The following ELMO1 variants were observed in gnomAD, a reference collection of about 807,000 sequenced individuals.
ELMO1 encodes engulfment and cell motility protein 1.
Under a neutral mutation model 98.9 loss-of-function variants are expected in ELMO1, and 26 were observed. The ratio of observed to expected loss-of-function variants is 0.26; its 90% confidence interval spans 0.19 to 0.36. The LOEUF (loss-of-function observed/expected upper bound fraction) is 0.36, where lower values mean the gene tolerates loss of function less well. Among genes scored for constraint, ELMO1 ranks in the 10% least tolerant of loss-of-function variants. ELMO1 has a pLI of 1.00. For synonymous variants in ELMO1, 346 were observed against 346.0 expected, an observed-to-expected ratio of 1.00 and a Z score of 0.00; for missense variants, 627 against 935.2, an observed-to-expected ratio of 0.67 and a Z score of 4.30.
chr7:37,371,098 T>C (rs2131356116), intron 1 of ELMO1, among the ~76,000 whole-genome samples: 1 of 152,322 alleles, frequency 6.6e-6, no homozygotes, highest in South Asian at 2.1e-4. Flanking sequence ...TACATCTACA[T>C]GGGTGAACTA....
At chr7:37,245,594 C>T (rs555134828) in intron 6 of ELMO1, among the ~76,000 whole-genome samples, 1 of 152,130 alleles carries the variant, frequency 6.6e-6, no homozygotes, top group Non-Finnish European at 1.5e-5. Context: ...TATTTCCCAT[C>T]CTTCCTTCAT....
chr7:37,133,507 T>C (rs754076271), intron 13 of ELMO1, among the ~76,000 whole-genome samples: 4 of 152,114 alleles, frequency 2.6e-5, no homozygotes, highest in Admixed American at 6.5e-5. Flanking sequence ...ACATGTGACA[T>C]TGTGAGAAAA....
intron 1 of ELMO1, among the ~76,000 whole-genome samples, chr7:37,407,238 G>A (rs544688585): frequency 1.3e-5 from 2 of 152,072 alleles, no homozygotes; most frequent in African/African-American, 4.8e-5. Context: ...GGTCTGGCGC[G>A]GTGGCTCACG....
At chr7:36,887,251 A>T (rs909838550) in intron 18 of ELMO1, among the ~76,000 whole-genome samples, 2 of 152,240 alleles carry the variant, frequency 1.3e-5, no homozygotes, top group African/African-American at 4.8e-5. Flanking sequence ...TCAGAAGACT[A>T]GAGTTTCAGA....
At chr7:37,297,555 G>A (rs1418745145) in intron 4 of ELMO1, among the ~76,000 whole-genome samples, 1 of 150,764 alleles carries the variant, frequency 6.6e-6, no homozygotes, top group East Asian at 2.0e-4. Context: ...TAATGAAATA[G>A]TTAAGGAACT....
chr7:37,150,640 GTAT>G (rs1788296993), intron 13 of ELMO1, among the ~76,000 whole-genome samples: 1 of 151,888 alleles, frequency 6.6e-6, no homozygotes, highest in Non-Finnish European at 1.5e-5. Context: ...TATTTTCTAT[GTAT>G]TATTATATAA....
chr7:37,215,060 C>T (rs1793203739), intron 11 of ELMO1, among the ~76,000 whole-genome samples: 1 of 152,208 alleles, frequency 6.6e-6, no homozygotes, highest in South Asian at 2.1e-4. Flanking sequence ...TTCTGCACTT[C>T]CAAAACCACA....
intron 13 of ELMO1, among the ~76,000 whole-genome samples, chr7:37,161,981 T>C (rs1278710923): frequency 3.2e-5 from 4 of 126,684 alleles, no homozygotes; most frequent in African/African-American, 8.6e-5. Context: ...TGAGGTGAGT[T>C]TGTAAATAGG....
intron 13 of ELMO1, among the ~76,000 whole-genome samples, chr7:37,195,890 A>G (rs1791935444): frequency 6.6e-6 from 1 of 152,218 alleles, no homozygotes; most frequent in African/African-American, 2.4e-5. Context: ...TTAGTATATG[A>G]CATCACAGAT....
chr7:37,352,614 G>A (rs755200895), intron 1 of ELMO1, among the ~76,000 whole-genome samples: 1 of 152,064 alleles, frequency 6.6e-6, no homozygotes, highest in African/African-American at 2.4e-5. Flanking sequence ...AGAAAGAATC[G>A]CTAAATAGTC....
At chr7:37,386,988 C>T (rs1235974646) in intron 1 of ELMO1, among the ~76,000 whole-genome samples, 1 of 152,148 alleles carries the variant, frequency 6.6e-6, no homozygotes, top group Non-Finnish European at 1.5e-5. Flanking sequence ...TTGTTTTGTT[C>T]CTGCTCCCCA....
At chr7:37,324,122 CCT>C (rs1799667972) in intron 2 of ELMO1, among the ~76,000 whole-genome samples, 3 of 152,196 alleles carry the variant, frequency 2.0e-5, no homozygotes, top group African/African-American at 7.2e-5. Flanking sequence ...CCCTGCCCCG[CCT>C]CTGATGAGCA....
At chr7:37,103,511 G>T (rs1784754953) in intron 14 of ELMO1, among the ~76,000 whole-genome samples, 1 of 121,634 alleles carries the variant, frequency 8.2e-6, no homozygotes, top group Non-Finnish European at 1.7e-5. Context: ...ACACACCCAG[G>T]CCTGTTGTGG....
intron 2 of ELMO1, among the ~76,000 whole-genome samples, chr7:37,322,857 C>A (rs543929015): frequency 8.7e-4 from 133 of 152,238 alleles, no homozygotes; most frequent in Non-Finnish European, 1.3e-3. Flanking sequence ...ATTATTTTAA[C>A]TGCTTCAGTA....
chr7:37,163,628 T>G (rs969822449), intron 13 of ELMO1, among the ~76,000 whole-genome samples: 3 of 152,100 alleles, frequency 2.0e-5, no homozygotes, highest in African/African-American at 7.2e-5. Context: ...TTACTGAGAA[T>G]GATGATTTCC....
intron 15 of ELMO1, among the ~76,000 whole-genome samples, chr7:37,028,227 G>A (rs893014160): frequency 3.3e-5 from 5 of 152,070 alleles, no homozygotes; most frequent in African/African-American, 1.2e-4. Context: ...CAGAATTCCC[G>A]GTATTTTGCT....
chr7:37,363,210 C>A (rs970140195), intron 1 of ELMO1, among the ~76,000 whole-genome samples: 1 of 152,148 alleles, frequency 6.6e-6, no homozygotes, highest in African/African-American at 2.4e-5. Context: ...TCTCCCTCCC[C>A]TCCATGTCCA....
At chr7:37,043,615 T>G (rs541747544) in intron 15 of ELMO1, among the ~76,000 whole-genome samples, 43 of 152,170 alleles carry the variant, frequency 2.8e-4, no homozygotes, top group Non-Finnish European at 5.4e-4. Flanking sequence ...ATAAACTTCA[T>G]TACAATGATA....
chr7:37,236,981 TTTTTA>T (rs1165542350), intron 7 of ELMO1, among the ~76,000 whole-genome samples: 4 of 152,174 alleles, frequency 2.6e-5, no homozygotes, highest in African/African-American at 9.7e-5. Context: ...TCCAGGAACA[TTTTTA>T]TTTGTTTGGA....
Sources: gnomAD v4.1 joint callset for allele counts (sites outside exome capture counted in the v4.1 genomes callset) on GRCh38, gnomAD v4.1.1 for gene constraint, MANE v1.5 for transcripts, NCBI Gene and HGNC (gene_info 2026-07-23, HGNC 2026-07-21) for gene names.